The following PTPRK variants were observed in gnomAD, a reference collection of about 807,000 sequenced individuals.
PTPRK encodes the protein receptor-type tyrosine-protein phosphatase kappa.
PTPRK carries 75 observed loss-of-function variants against 178.0 expected under a neutral mutation model. The observed-to-expected ratio is 0.42, with a 90% CI of 0.35 to 0.51. The LOEUF (loss-of-function observed/expected upper bound fraction) is 0.51, where lower values mean the gene tolerates loss of function less well. PTPRK is among the 20% of genes least tolerant of loss of function. PTPRK has a pLI of 0.02. For synonymous variants in PTPRK, 637 were observed against 620.6 expected (o/e 1.03, Z -0.39); for missense variants, 1,441 against 1,797.8 (o/e 0.80, Z 3.59).
intron 7 of PTPRK, among the ~76,000 whole-genome samples, chr6:128,132,826 A>C (rs1168176089): frequency 6.6e-6 from 1 of 152,214 alleles, no homozygotes; most frequent in Non-Finnish European, 1.5e-5. Flanking sequence ...ATGTCCTTTT[A>C]TAATGCTTTG....
chr6:128,445,125 T>G (rs1846774482), intron 1 of PTPRK, among the ~76,000 whole-genome samples: 1 of 147,566 alleles, frequency 6.8e-6, no homozygotes, highest in South Asian at 2.1e-4. Flanking sequence ...AGCACTTTGG[T>G]GGGAGGAAAG....
chr6:128,425,079 C>CTT lies in PTPRK; in HGVS notation c.101-27393_101-27392dup, dbSNP rs1157646907. Among the ~76,000 whole-genome samples, 181 of 134,060 alleles carry CTT rather than the reference C, an allele frequency of 1.4e-3. 1 individual carries two copies. The highest frequency in any genetic ancestry group is 4.1e-3 in the African/African-American group (149 of 36,060). The allele number at this position is 134,060 out of a possible 152,430, so 87.9% of individuals were successfully genotyped here. On this transcript the variant is annotated intron_variant, in intron 1 of 29. Coordinates refer to ENST00000368226, the MANE Select transcript of PTPRK (RefSeq NM_002844.4). ...GTGTACACTGTACCCAATGTGTAGT[C>CTT]TTTTTTTTTTTTTTTTTGAGACGGA...
At chr6:128,184,090 TA>T (rs1456096671) in intron 7 of PTPRK, among the ~76,000 whole-genome samples, 1 of 152,204 alleles carries the variant, frequency 6.6e-6, no homozygotes, top group Non-Finnish European at 1.5e-5. Flanking sequence ...AAGTATTCGG[TA>T]TTTGCTTGAA....
intron 7 of PTPRK, among the ~76,000 whole-genome samples, chr6:128,129,104 T>C (rs1793822721): frequency 6.6e-6 from 1 of 152,244 alleles, no homozygotes; most frequent in African/African-American, 2.4e-5. Context: ...CTAGGTCTTC[T>C]TTCTTGCTTT....
intron 15 of PTPRK, among the ~76,000 whole-genome samples, chr6:128,004,344 T>A (rs903517648): frequency 6.6e-6 from 1 of 151,828 alleles, no homozygotes; most frequent in Admixed American, 6.6e-5. Flanking sequence ...TAGAACAGAA[T>A]ATAACATTCA....
chr6:128,372,825 G>A (rs537618997), intron 2 of PTPRK, among the ~76,000 whole-genome samples: 1 of 152,082 alleles, frequency 6.6e-6, no homozygotes, highest in South Asian at 2.1e-4. Context: ...ACACATTTCT[G>A]GTAAGTCAGT....
chr6:128,274,544 A>G (rs1248794037), intron 3 of PTPRK, among the ~76,000 whole-genome samples: 4 of 152,252 alleles, frequency 2.6e-5, no homozygotes, highest in Admixed American at 6.5e-5. Flanking sequence ...TTAAATTTAA[A>G]ATTATATCAC....
At chr6:128,164,335 C>T (rs1387601954) in intron 7 of PTPRK, among the ~76,000 whole-genome samples, 1 of 151,204 alleles carries the variant, frequency 6.6e-6, no homozygotes, top group African/African-American at 2.4e-5. Flanking sequence ...ACCCTATAAT[C>T]CTAGTTCTTA....
intron 3 of PTPRK, among the ~76,000 whole-genome samples, chr6:128,296,896 G>A (rs965657933): frequency 1.1e-4 from 16 of 151,984 alleles, no homozygotes; most frequent in African/African-American, 3.4e-4. Context: ...AATGTAAATG[G>A]ACTAAATGCT....
At chr6:128,096,956 C>T (rs550994878) in intron 7 of PTPRK, among the ~76,000 whole-genome samples, 1 of 152,230 alleles carries the variant, frequency 6.6e-6, no homozygotes, top group Admixed American at 6.5e-5. Context: ...TTTACTCTTA[C>T]CTTTAGGTGC....
intron 7 of PTPRK, among the ~76,000 whole-genome samples, chr6:128,155,357 ATAT>A (rs1408542757): frequency 2.0e-5 from 3 of 151,768 alleles, no homozygotes; most frequent in Non-Finnish European, 2.9e-5. Context: ...CACAGTGGAA[ATAT>A]TATAATTCTA....
chr6:128,213,629 G>A (rs900184856), intron 6 of PTPRK, among the ~76,000 whole-genome samples: 3 of 151,978 alleles, frequency 2.0e-5, no homozygotes, highest in African/African-American at 7.2e-5. Context: ...CCTAAAAGCT[G>A]TGCTAGGGAA....
chr6:128,119,774 C>A (rs1792152761), intron 7 of PTPRK, among the ~76,000 whole-genome samples: 1 of 151,890 alleles, frequency 6.6e-6, no homozygotes, highest in African/African-American at 2.4e-5. Flanking sequence ...AGAATAGCTT[C>A]AAAAATATTT....
At position 127,976,963 on chromosome 6, in the gene PTPRK, C is replaced by A; in HGVS notation, c.3803G>T (p.Cys1268Phe). Residue 1268 changes from cysteine (C) to phenylalanine (F), a missense_variant, in exon 26 of 30, where the codon TGT (cysteine) becomes TTT (phenylalanine). This residue lies in a region of PTPRK where 335 missense variants were observed against 512.4 expected (regional missense o/e 0.65). Transcript: ENST00000368226. ...TTCGTTTAACATCACAATGGAGGTA[C>A]AGCCATAATCATACACTAATCTCCA... ...DFWRLVYDYG[C>F]TSIVMLNEVD... 1 of 1,614,090 alleles carries A rather than the reference C, an allele frequency of 6.2e-7. No individual in the cohort carries two copies. The highest frequency in any genetic ancestry group is 8.5e-7 in the Non-Finnish European group (1 of 1,180,000).
chr6:128,408,142 C>T (rs1841906581), intron 1 of PTPRK, among the ~76,000 whole-genome samples: 1 of 152,172 alleles, frequency 6.6e-6, no homozygotes, highest in African/African-American at 2.4e-5. Context: ...AATCCCAGCA[C>T]TTTGAGAGGC....
At chr6:128,464,194 C>CA (rs201251015) in intron 1 of PTPRK, among the ~76,000 whole-genome samples, 61 of 150,534 alleles carry the variant, frequency 4.1e-4, no homozygotes, top group Admixed American at 1.5e-3. Context: ...AAAAAATACA[C>CA]AAAAAAAAAT....
intron 13 of PTPRK, among the ~76,000 whole-genome samples, chr6:128,029,984 A>G (rs1032826290): frequency 1.3e-5 from 2 of 152,156 alleles, no homozygotes; most frequent in African/African-American, 4.8e-5. Context: ...GAAAGCAGCT[A>G]AGTGAGAATG....
intron 6 of PTPRK, among the ~76,000 whole-genome samples, chr6:128,200,667 G>A (rs1437482325): frequency 6.6e-6 from 1 of 151,444 alleles, no homozygotes; most frequent in African/African-American, 2.4e-5. Context: ...GGAGGCTGAG[G>A]CTGTAGTGAA....
chr6:128,281,936 A>C (rs1172800325), intron 3 of PTPRK, among the ~76,000 whole-genome samples: 1 of 152,238 alleles, frequency 6.6e-6, no homozygotes, highest in African/African-American at 2.4e-5. Context: ...TCAACAGCTA[A>C]AAGAAATTAA....
Sources: gnomAD v4.1 joint callset for allele counts (sites outside exome capture counted in the v4.1 genomes callset) on GRCh38, gnomAD v4.1.1 for gene constraint, gnomAD v4.1.1 regional missense constraint, MANE v1.5 for transcripts, NCBI Gene and HGNC (gene_info 2026-07-23, HGNC 2026-07-21) for gene names.